The following LRBA variants were observed in gnomAD, a reference collection of about 807,000 sequenced individuals.
The protein encoded by LRBA is lipopolysaccharide-responsive and beige-like anchor protein.
Under a neutral mutation model 330.0 loss-of-function variants are expected in LRBA, and 176 were observed. The ratio of observed to expected loss-of-function variants is 0.53; its 90% CI spans 0.47 to 0.60. The LOEUF is 0.60. Among genes scored for constraint, LRBA ranks in the 20% least tolerant of loss-of-function variants. The pLI is 0.00. For missense variants in LRBA, 3,259 were observed against 3,444.8 expected, an observed-to-expected ratio of 0.95 and a Z score of 1.35; for synonymous variants, 1,230 against 1,193.0, an observed-to-expected ratio of 1.03 and a Z score of -0.64.
chr4:150,561,815 T>C lies in LRBA; in HGVS notation c.6330+26233A>G, dbSNP rs1190713417. On this transcript the variant is annotated intron_variant, in intron 40 of 56. Coordinates refer to ENST00000651943, the MANE Select transcript of LRBA (RefSeq NM_001364905.1). ...TTTCTCTTACAAAAAGTGTAATAAA[T>C]ATAATTTGATCTTAAAACTTCCTGT... is the stretch of plus-strand genomic sequence containing the variant. Among the ~76,000 whole-genome samples, 3 of 152,156 alleles carry C rather than the reference T, an allele frequency of 2.0e-5. No individual in the cohort carries two copies. The East Asian group carries it at 5.8e-4, about 29-fold the overall frequency.
At chr4:150,483,498 T>C (rs1757530287) in intron 42 of LRBA, among the ~76,000 whole-genome samples, 1 of 91,708 alleles carries the variant, frequency 1.1e-5, no homozygotes. Flanking sequence ...CTTTTTTCCT[T>C]TTTTTAAGTT....
At chr4:150,574,657 A>T (rs1770304955) in intron 40 of LRBA, among the ~76,000 whole-genome samples, 1 of 152,050 alleles carries the variant, frequency 6.6e-6, no homozygotes, top group Non-Finnish European at 1.5e-5. Context: ...TTTAAAATAC[A>T]TATCTATAGA....
intron 17 of LRBA, among the ~76,000 whole-genome samples, chr4:150,888,211 A>C (rs1365404586): frequency 6.6e-6 from 1 of 152,190 alleles, no homozygotes; most frequent in Non-Finnish European, 1.5e-5. Context: ...ATATCCTTGG[A>C]GAGTGAAGGT....
chr4:150,771,611 G>A (rs1433211678), intron 34 of LRBA, among the ~76,000 whole-genome samples: 1 of 152,154 alleles, frequency 6.6e-6, no homozygotes, highest in Non-Finnish European at 1.5e-5. Context: ...TTCTATGATG[G>A]AAGGGGTCAA....
At chr4:150,334,760 A>G (rs1292656893) in intron 48 of LRBA, among the ~76,000 whole-genome samples, 1 of 142,832 alleles carries the variant, frequency 7.0e-6, no homozygotes, top group African/African-American at 2.6e-5. Context: ...AAAAAATCTA[A>G]AAGACAATTT....
chr4:150,276,656 C>T (rs1034497306), intron 56 of LRBA, among the ~76,000 whole-genome samples: 1 of 152,160 alleles, frequency 6.6e-6, no homozygotes, highest in Non-Finnish European at 1.5e-5. Flanking sequence ...TTTACGCAGC[C>T]AACAAACATA....
chr4:150,966,248 A>G (rs930368584), intron 2 of LRBA, among the ~76,000 whole-genome samples: 3 of 152,032 alleles, frequency 2.0e-5, no homozygotes, highest in African/African-American at 7.2e-5. Flanking sequence ...CCCAAGTGGT[A>G]TATTTGTAGC....
intron 27 of LRBA, 24 bp from the exon 28 acceptor site, chr4:150,844,231 G>A (rs762829330): frequency 1.8e-6 from 2 of 1,123,020 alleles, no homozygotes; most frequent in Middle Eastern, 2.2e-4. Flanking sequence ...AAAAAAAATT[G>A]TATATATATA....
intron 47 of LRBA, among the ~76,000 whole-genome samples, chr4:150,405,555 A>G (rs1746078715): frequency 6.6e-6 from 1 of 152,132 alleles, no homozygotes; most frequent in Non-Finnish European, 1.5e-5. Flanking sequence ...CAATTAATAG[A>G]TATTTTTTCT....
At chr4:150,976,089 C>T (rs927835787) in intron 2 of LRBA, among the ~76,000 whole-genome samples, 2 of 148,916 alleles carry the variant, frequency 1.3e-5, no homozygotes, top group East Asian at 2.0e-4. Context: ...GCAGGAGAAT[C>T]GTCTGAACCT....
chr4:150,663,734 T>A (rs1781332491), intron 37 of LRBA, among the ~76,000 whole-genome samples: 1 of 152,100 alleles, frequency 6.6e-6, no homozygotes, highest in African/African-American at 2.4e-5. Flanking sequence ...TACTTTATAG[T>A]ATACTGGGAA....
intron 48 of LRBA, among the ~76,000 whole-genome samples, chr4:150,345,773 A>G (rs1190845852): frequency 6.6e-6 from 1 of 152,172 alleles, no homozygotes; most frequent in Non-Finnish European, 1.5e-5. Context: ...GCACTGGTAA[A>G]TGGTATGAAA....
At chr4:150,695,493 T>G (rs1437705643) in intron 36 of LRBA, among the ~76,000 whole-genome samples, 2 of 152,078 alleles carry the variant, frequency 1.3e-5, no homozygotes, top group African/African-American at 2.4e-5. Flanking sequence ...CAGCTAATAT[T>G]TTTCTGTAGA....
intron 47 of LRBA, among the ~76,000 whole-genome samples, chr4:150,360,334 A>T (rs989638969): frequency 6.6e-6 from 1 of 152,060 alleles, no homozygotes; most frequent in African/African-American, 2.4e-5. Context: ...AAAAAAAAGT[A>T]AAACTGTTTT....
chr4:150,351,580 C>T (rs977649216), intron 47 of LRBA, among the ~76,000 whole-genome samples: 1 of 151,764 alleles, frequency 6.6e-6, no homozygotes, highest in South Asian at 2.1e-4. Flanking sequence ...TCCCAGCTAC[C>T]CGGGAGGCTG....
At chr4:150,286,650 C>T (rs759662046) in intron 53 of LRBA, among the ~76,000 whole-genome samples, 1 of 151,732 alleles carries the variant, frequency 6.6e-6, no homozygotes, top group Non-Finnish European at 1.5e-5. Flanking sequence ...CAAACCCTTA[C>T]AGATAAGTCT....
intron 40 of LRBA, among the ~76,000 whole-genome samples, chr4:150,513,214 G>C (rs1426107239): frequency 1.3e-5 from 2 of 152,174 alleles, no homozygotes; most frequent in African/African-American, 2.4e-5. Context: ...TCATATTTCT[G>C]CAGATCTTAG....
intron 30 of LRBA, among the ~76,000 whole-genome samples, chr4:150,817,819 C>T (rs531040353): frequency 6.6e-6 from 1 of 152,092 alleles, no homozygotes; most frequent in East Asian, 1.9e-4. Context: ...ATTATTCAAA[C>T]ACAGGTATTT....
chr4:150,902,788 C>T (rs1161806643), intron 13 of LRBA, among the ~76,000 whole-genome samples: 1 of 152,138 alleles, frequency 6.6e-6, no homozygotes. Context: ...ACACTCTCCA[C>T]GGATAACACC....
Sources: allele counts gnomAD v4.1 joint callset (sites outside exome capture counted in the v4.1 genomes callset), GRCh38; gene constraint gnomAD v4.1.1; transcripts MANE v1.5; gene names NCBI Gene and HGNC (gene_info 2026-07-23, HGNC 2026-07-21).